Variants in PAPPA observed in about 807,000 individuals in gnomAD.
PAPPA encodes the protein pappalysin 1, also known as pappalysin-1.
A neutral mutation model predicts 164.0 loss-of-function variants in PAPPA; 60 were observed. That is an observed-to-expected ratio of 0.37 (90% CI 0.30 to 0.45). The LOEUF is 0.45. Among genes scored for constraint, PAPPA ranks in the 20% least tolerant of loss-of-function variants. The pLI is 1.00. For missense variants in PAPPA, 1,782 were observed against 2,087.3 expected (o/e 0.85, Z 2.85); for synonymous variants, 875 against 814.1 (o/e 1.07, Z -1.27).
At chr9:116,210,878 G>A (rs1467030051) in intron 3 of PAPPA, among the ~76,000 whole-genome samples, 1 of 152,104 alleles carries the variant, frequency 6.6e-6, no homozygotes, top group East Asian at 1.9e-4. Flanking sequence ...TTGATGTATG[G>A]AGGTGCTATT....
At chr9:116,255,135 G>A (rs2118788916) in intron 7 of PAPPA, among the ~76,000 whole-genome samples, 1 of 151,988 alleles carries the variant, frequency 6.6e-6, no homozygotes, top group South Asian at 2.1e-4. Flanking sequence ...AGGGAAGCTT[G>A]TTTTATCTTC....
chr9:116,168,476 T>C (rs1475323039), intron 1 of PAPPA, among the ~76,000 whole-genome samples: 1 of 152,110 alleles, frequency 6.6e-6, no homozygotes, highest in African/African-American at 2.4e-5. Context: ...AGAAACACTA[T>C]GTTATGAAAC....
rs1038079713 is a variant in PAPPA, at chr9:116,271,520, T to G, written c.2953+104T>G. Reference sequence around the variant, plus strand: ...TAGTTATGACTAAATGATGATTCACTCCTTTGTATTACACCTGTTTATTGA... The same window carrying G: ...TAGTTATGACTAAATGATGATTCACGCCTTTGTATTACACCTGTTTATTGA... On this transcript the variant is annotated intron_variant, in intron 9 of 21. Coordinates refer to ENST00000328252, the MANE Select transcript of PAPPA (RefSeq NM_002581.5). The surrounding 1 kb of genome is among the most constrained non-coding windows in gnomAD (Gnocchi z 4.2). The G allele has an allele frequency of 4.6e-5, 38 of 832,186 alleles. No individual in the cohort carries two copies. In the Admixed American group the frequency reaches 6.7e-4, roughly 15 times the overall value. 51.6% of individuals were successfully genotyped at this position (832,186 alleles called of 1,614,324 possible). A position where few individuals can be genotyped will look rare whatever the true frequency, so the allele number is the denominator to read the frequency against.
intron 5 of PAPPA, 31 bp from the exon 6 acceptor site, chr9:116,227,400 G>A (rs899647520): frequency 6.2e-7 from 1 of 1,613,142 alleles, no homozygotes. Flanking sequence ...TCCTAAGTCG[G>A]TGCATTTTCC....
intron 1 of PAPPA, among the ~76,000 whole-genome samples, chr9:116,157,404 TA>T (rs965270302): frequency 6.6e-6 from 1 of 151,888 alleles, no homozygotes; most frequent in African/African-American, 2.4e-5. Context: ...TACTAATACA[TA>T]AAAAAAGGGA....
intron 1 of PAPPA, among the ~76,000 whole-genome samples, chr9:116,180,428 A>T (rs1843890319): frequency 6.6e-6 from 1 of 152,142 alleles, no homozygotes; most frequent in Admixed American, 6.5e-5. Flanking sequence ...ACCTCTCTAC[A>T]TCTCAGTTTC....
chr9:116,246,232 C>T (rs1844795222), intron 7 of PAPPA, among the ~76,000 whole-genome samples: 1 of 152,092 alleles, frequency 6.6e-6, no homozygotes, highest in African/African-American at 2.4e-5. Context: ...ATCCTAATGT[C>T]CTCAACAGAT....
chr9:116,325,645 C>T (rs1845911670), intron 10 of PAPPA, among the ~76,000 whole-genome samples: 1 of 152,156 alleles, frequency 6.6e-6, no homozygotes, highest in African/African-American at 2.4e-5. Flanking sequence ...GGATGAGAAG[C>T]AGTCATCTGC....
In PAPPA at chr9:116,346,661, GCCCTGTGA is replaced by G. The variant is rs1357507813; in HGVS notation, c.3781-364_3781-357del. Reference sequence around the variant, plus strand: ...TCTGTTTTGTGAAAGAAGTCATCATGCCCTGTGAGGTCTCAAAACCTCAAGATTCTCAT... The same window carrying G: ...TCTGTTTTGTGAAAGAAGTCATCATGGGTCTCAAAACCTCAAGATTCTCAT... On this transcript the variant is annotated intron_variant, in intron 14 of 21. Coordinates refer to ENST00000328252, the MANE Select transcript of PAPPA (RefSeq NM_002581.5). Among the ~76,000 whole-genome samples the G allele has an allele frequency of 3.3e-5, 5 of 152,274 alleles. No homozygotes were observed. In the East Asian group the frequency reaches 9.7e-4, roughly 29 times the overall value.
Position 116,256,981 on chromosome 9 carries a change from A to G in PAPPA, c.2733-8876A>G, listed in dbSNP as rs529691731. On this transcript the variant is annotated intron_variant, in intron 7 of 21. Coordinates refer to ENST00000328252, the MANE Select transcript of PAPPA (RefSeq NM_002581.5). Reference sequence around the variant, plus strand: ...ACAAAACAAATTTAAACAAATATCAAAGTATCAGTATCAGATAGAACATAA... The same window carrying G: ...ACAAAACAAATTTAAACAAATATCAGAGTATCAGTATCAGATAGAACATAA... Among the ~76,000 whole-genome samples, 12 of 152,040 alleles carry G rather than the reference A, an allele frequency of 7.9e-5. 1 individual carries two copies. The South Asian group carries it at 2.5e-3, about 32-fold the overall frequency.
chr9:116,384,760 A>G (rs1373195865), intron 21 of PAPPA, among the ~76,000 whole-genome samples: 1 of 152,164 alleles, frequency 6.6e-6, no homozygotes, highest in East Asian at 1.9e-4. Context: ...AAATGAATAT[A>G]GTGAACAATA....
In PAPPA at chr9:116,187,076, T is replaced by G; in HGVS notation, c.416-78T>G. The G allele has an allele frequency of 1.9e-6, 2 of 1,053,214 alleles. No individual in the cohort carries two copies. The highest frequency in any genetic ancestry group is 2.8e-6 in the Non-Finnish European group (2 of 709,234). 65.2% of individuals were successfully genotyped at this position (1,053,214 alleles called of 1,614,324 possible). On this transcript the variant is annotated intron_variant, in intron 1 of 21. Coordinates refer to ENST00000328252, the MANE Select transcript of PAPPA (RefSeq NM_002581.5). This position sits in a 1 kb window ranked among gnomAD's most constrained non-coding sequence, Gnocchi z 4.2. ...AGTCTAGGATAACCTGATACAAATT[T>G]TATTAGAGAAAAATAACTTAACCCC...
intron 21 of PAPPA, among the ~76,000 whole-genome samples, chr9:116,386,938 C>T (rs868681259): frequency 6.6e-6 from 1 of 152,268 alleles, no homozygotes; most frequent in East Asian, 1.9e-4. Flanking sequence ...CCGCAGGAAG[C>T]CTCTCAGAGA....
In PAPPA at chr9:116,245,342, T is replaced by G. The variant is rs141318279; in HGVS notation, c.2732+9705T>G. On this transcript the variant is annotated intron_variant, in intron 7 of 21. Coordinates refer to ENST00000328252, the MANE Select transcript of PAPPA (RefSeq NM_002581.5). ...AGAAGGGGCCAGATTATGAAGAGTT[T>G]GTGGCTCATGTTGAGTTTAGATTTA... Among the ~76,000 whole-genome samples the G allele has an allele frequency of 1.8e-4, 27 of 152,280 alleles. No homozygotes were observed. The East Asian group carries it at 5.2e-3, about 29-fold the overall frequency.
At chr9:116,389,419 A>G (rs1406269158) in intron 21 of PAPPA, among the ~76,000 whole-genome samples, 2 of 152,102 alleles carry the variant, frequency 1.3e-5, no homozygotes, top group Non-Finnish European at 2.9e-5. Context: ...CAATGCAAAG[A>G]CATACAGTTC....
chr9:116,247,910 T>C (rs1844815417), intron 7 of PAPPA, among the ~76,000 whole-genome samples: 1 of 152,330 alleles, frequency 6.6e-6, no homozygotes, highest in South Asian at 2.1e-4. Context: ...GTTCCTTCCC[T>C]TGGACAAAGT....
At chr9:116,356,244 T>A (rs978203449) in intron 17 of PAPPA, among the ~76,000 whole-genome samples, 2 of 152,210 alleles carry the variant, frequency 1.3e-5, no homozygotes, top group East Asian at 3.8e-4. Context: ...CCAAGTTACT[T>A]AACTCGTTAA....
intron 1 of PAPPA, among the ~76,000 whole-genome samples, chr9:116,161,735 G>A (rs956449140): frequency 1.4e-4 from 21 of 151,962 alleles, no homozygotes; most frequent in African/African-American, 4.8e-4. Context: ...GGTTCTGGGG[G>A]TAGTGGTTGG....
intron 14 of PAPPA, among the ~76,000 whole-genome samples, chr9:116,345,769 G>T (rs1251894484): frequency 1.3e-5 from 2 of 152,220 alleles, no homozygotes; most frequent in Non-Finnish European, 2.9e-5. Context: ...GAGATTGGTG[G>T]TAGTGAATGA....
Sources: gnomAD v4.1 joint callset for allele counts (sites outside exome capture counted in the v4.1 genomes callset) on GRCh38, gnomAD v4.1.1 for gene constraint, Gnocchi (gnomAD v3.1) non-coding constraint, MANE v1.5 for transcripts, NCBI Gene and HGNC (gene_info 2026-07-23, HGNC 2026-07-21) for gene names.